The following ERCC3 variants were observed in gnomAD, a reference collection of about 807,000 sequenced individuals.
ERCC3 encodes the protein ERCC excision repair 3, TFIIH core complex helicase subunit, also known as general transcription and DNA repair factor IIH helicase/translocase subunit XPB.
Under a neutral mutation model 94.2 loss-of-function variants are expected in ERCC3, and 66 were observed. That is an observed-to-expected ratio of 0.70 (90% CI 0.57 to 0.86). ERCC3 has a LOEUF of 0.86. Ranked by LOEUF, ERCC3 falls within the 40% of genes least tolerant of loss-of-function variation. ERCC3 has a pLI of 0.00. For missense variants in ERCC3, 829 were observed against 987.1 expected (o/e 0.84, Z 2.15); for synonymous variants, 349 against 369.1 (o/e 0.95, Z 0.63).
Position 127,279,198 on chromosome 2 carries a change from T to A in ERCC3, c.1705A>T (p.Lys569Ter). Reference sequence around the variant, plus strand: ...TTGTTCAGTCGAATGGCATATTCCTTTAGGGCAAACACATTGTCAGCAAAG... The same window carrying A: ...TTGTTCAGTCGAATGGCATATTCCTATAGGGCAAACACATTGTCAGCAAAG... ...IVFADNVFAL[K>*]EYAIRLNKPY... is the part of the protein sequence containing the mutation. The change falls in exon 10 of 15, where the codon AAG (lysine) becomes TAG (stop). Residue 569 changes from lysine (K) to a stop codon, truncating the protein, a stop_gained. Coordinates refer to ENST00000285398, the MANE Select transcript of ERCC3 (RefSeq NM_000122.2). LOFTEE classifies it high-confidence loss of function. The surrounding 1 kb of genome is among the most constrained non-coding windows in gnomAD (Gnocchi z 4.7). 1 of 1,613,608 alleles carries A rather than the reference T, an allele frequency of 6.2e-7. No individual in the cohort carries two copies. Among genetic ancestry groups the A allele is most frequent in the African/African-American group, 1.3e-5 (1 of 75,044 alleles).
rs757559267 is a variant in ERCC3, at chr2:127,293,960, G to A, written c.28+94C>T. 7 of 1,551,238 alleles carry A rather than the reference G, an allele frequency of 4.5e-6. No homozygotes were observed. The African/African-American group carries it at 9.5e-5, about 21-fold the overall frequency. On this transcript the variant is annotated intron_variant, in intron 1 of 14. Transcript: ENST00000285398. ...TGCGCGCGGGAGGGCCAGCAGGGTC[G>A]GCCGGCGCAGAGGCCCGGAGCAGCT...
In ERCC3 at chr2:127,293,590, C is replaced by T; in HGVS notation, c.157G>A (p.Val53Met). Residue 53 changes from valine (V) to methionine (M), a missense_variant, in exon 2 of 15, where the codon GTG becomes ATG. Coordinates refer to ENST00000285398, the MANE Select transcript of ERCC3 (RefSeq NM_000122.2). ...TAGTCCTTGGCTCCATATTCATCCA[C>T]TTTGGTGCCTGACTCATCCACCTGC... is the stretch of plus-strand genomic sequence containing the variant. The part of the protein sequence containing the change: ...GKQVDESGTK[V>M]DEYGAKDYRL... The T allele has an allele frequency of 6.2e-7, 1 of 1,614,226 alleles. No homozygotes were observed. The highest frequency in any genetic ancestry group is 8.5e-7 in the Non-Finnish European group (1 of 1,180,038).
intron 12 of ERCC3, chr2:127,262,760 T>C (rs1325687266): frequency 6.6e-6 from 1 of 152,242 alleles, no homozygotes; most frequent in Non-Finnish European, 1.5e-5. Flanking sequence ...TTGTATTTCC[T>C]AGGTTTTCTT....
intron 12 of ERCC3, among the ~76,000 whole-genome samples, chr2:127,267,004 C>T (rs934241191): frequency 4.6e-5 from 7 of 152,322 alleles, no homozygotes; most frequent in African/African-American, 1.4e-4. Flanking sequence ...GTGTGAGCCA[C>T]GGCACCAGGC....
chr2:127,259,225 C>G lies in ERCC3; in HGVS notation c.2217+71G>C. 2 of 1,564,426 alleles carry G rather than the reference C, an allele frequency of 1.3e-6. No individual in the cohort carries two copies. Among genetic ancestry groups the G allele is most frequent in the South Asian group, 2.2e-5 (2 of 89,690 alleles). ...GGCCCATCCAGGCAGGACTACATGT[C>G]TGTGTCTGTGTCTACAAACGCTGCC... On this transcript the variant is annotated intron_variant, in intron 14 of 14. Coordinates refer to ENST00000285398, the MANE Select transcript of ERCC3 (RefSeq NM_000122.2). The surrounding 1 kb of genome is among the most constrained non-coding windows in gnomAD (Gnocchi z 4.9).
rs769083884 is a variant in ERCC3, at chr2:127,280,603, G to C, written c.1371C>G (p.Ile457Met). Reference sequence around the variant, plus strand: ...AACCCAGCTTACAGTGGGCCTGCACGATGGTGAGCACCCTTCGGAACATCT... The same window carrying C: ...AACCCAGCTTACAGTGGGCCTGCACCATGGTGAGCACCCTTCGGAACATCT... ...PAKMFRRVLTIVQAHCKLGLT... is the reference protein window; with the variant it reads ...PAKMFRRVLTMVQAHCKLGLT... Residue 457 changes from isoleucine to methionine, a missense_variant, in exon 9 of 15, where the codon ATC becomes ATG. By Grantham distance (10) the Ile-to-Met change is conservative. Transcript: ENST00000285398. The surrounding 1 kb of genome is among the most constrained non-coding windows in gnomAD (Gnocchi z 6.3). 1 of 1,614,196 alleles carries C rather than the reference G, an allele frequency of 6.2e-7. No homozygotes were observed. The highest frequency in any genetic ancestry group is 1.3e-5 in the African/African-American group (1 of 75,066).
In ERCC3 at chr2:127,292,841, G is replaced by T. The variant is rs766693494; in HGVS notation, c.240C>A (p.Pro80=). Reference sequence around the variant, plus strand: ...AGGCTTCCAAGAAGATATGGCCATCGGGAGCCTGAGAGATACCAAATGGAC... The same window carrying T: ...AGGCTTCCAAGAAGATATGGCCATCTGGAGCCTGAGAGATACCAAATGGAC... The part of the protein sequence containing the change: ...DHTSRPLWVA[P]DGHIFLEAFS... The change falls in exon 3 of 15, where the codon CCC becomes CCA. Residue 80 remains proline, a synonymous_variant. Coordinates refer to ENST00000285398, the MANE Select transcript of ERCC3 (RefSeq NM_000122.2). 6.2e-7 allele frequency: 1 copy of T among 1,604,554 alleles called. No homozygotes were observed. The highest frequency in any genetic ancestry group is 1.1e-5 in the South Asian group (1 of 90,908).
At chr2:127,270,780 A>G (rs1168100062) in intron 12 of ERCC3, among the ~76,000 whole-genome samples, 1 of 152,188 alleles carries the variant, frequency 6.6e-6, no homozygotes, top group Non-Finnish European at 1.5e-5. Flanking sequence ...AAGCAAGCAC[A>G]GGGGTGCCAC....
chr2:127,273,010 T>C, intron 10 of ERCC3, 49 bp from the exon 11 acceptor site: 2 of 1,165,014 alleles, frequency 1.7e-6, no homozygotes, highest in East Asian at 2.3e-5. Flanking sequence ...GCCTCAGTTA[T>C]CTTGAAAACA....
rs1217895289 is a variant in ERCC3 at position 127,277,593 on chromosome 2, A to C, written c.1730+1580T>G. Among the ~76,000 whole-genome samples the C allele has an allele frequency of 6.6e-6, 1 of 152,124 alleles. No individual in the cohort carries two copies. Among genetic ancestry groups the C allele is most frequent in the Admixed American group, 6.6e-5 (1 of 15,262 alleles). ...GTAGTCCCAGCTACTCAGGAGGCTG[A>C]GGCAGGAGAATCACTTGAACCCACA... is the stretch of plus-strand genomic sequence containing the variant. On this transcript the variant is annotated intron_variant, in intron 10 of 14. Transcript: ENST00000285398. The surrounding 1 kb of genome is among the most constrained non-coding windows in gnomAD (Gnocchi z 5.1).
intron 8 of ERCC3, among the ~76,000 whole-genome samples, chr2:127,281,143 G>A (rs1473157803): frequency 6.6e-6 from 1 of 152,090 alleles, no homozygotes; most frequent in Non-Finnish European, 1.5e-5. Flanking sequence ...TCTAAATTAC[G>A]CAAAGAATTT....
At chr2:127,281,574 T>C (rs902353461) in intron 8 of ERCC3, among the ~76,000 whole-genome samples, 9 of 152,116 alleles carry the variant, frequency 5.9e-5, no homozygotes, top group African/African-American at 2.2e-4. Context: ...TATCTTACAA[T>C]ATAATTGAAA....
chr2:127,270,091 A>G (rs1424912978), intron 12 of ERCC3, among the ~76,000 whole-genome samples: 1 of 152,170 alleles, frequency 6.6e-6, no homozygotes, highest in Non-Finnish European at 1.5e-5. Context: ...AATGAATTAT[A>G]TTCACATTTG....
rs1684279520 is a variant in ERCC3, at chr2:127,264,032, G to A, written c.1946-2686C>T. On this transcript the variant is annotated intron_variant, in intron 12 of 14. Coordinates refer to ENST00000285398, the MANE Select transcript of ERCC3 (RefSeq NM_000122.2). This position sits in a 1 kb window ranked among gnomAD's most constrained non-coding sequence, Gnocchi z 4.4. ...GCTGTCTTGTTCCAGTTCTTAAAGG[G>A]AATGCTTCCAGCTTTTGCTTACTTA... is the stretch of plus-strand genomic sequence containing the variant. 6.6e-6 allele frequency among the ~76,000 whole-genome samples: 1 copy of A among 152,138 alleles called. No homozygotes were observed. The highest frequency in any genetic ancestry group is 6.5e-5 in the Admixed American group (1 of 15,272).
intron 1 of ERCC3, 136 bp from the exon 2 acceptor site, chr2:127,293,854 C>T: frequency 6.4e-7 from 1 of 1,561,706 alleles, no homozygotes; most frequent in Non-Finnish European, 8.6e-7. Context: ...TTGCGCCCCT[C>T]ACCCGTCTCC....
At position 127,277,657 on chromosome 2, in the gene ERCC3, C is replaced by T. The variant is rs1478272215; in HGVS notation, c.1730+1516G>A. On this transcript the variant is annotated intron_variant, in intron 10 of 14. Coordinates refer to ENST00000285398, the MANE Select transcript of ERCC3 (RefSeq NM_000122.2). This position sits in a 1 kb window ranked among gnomAD's most constrained non-coding sequence, Gnocchi z 5.1. ...AGTGAGCTGAGATAGCGCCACTGCACTCCAGCCTGGCAACAGAGCAAGACT... is the reference window on the plus strand; with the variant it reads ...AGTGAGCTGAGATAGCGCCACTGCATTCCAGCCTGGCAACAGAGCAAGACT... 1.3e-5 allele frequency among the ~76,000 whole-genome samples: 2 copies of T among 152,000 alleles called. No individual in the cohort carries two copies. Among genetic ancestry groups the T allele is most frequent in the Non-Finnish European group, 2.9e-5 (2 of 67,988 alleles).
intron 12 of ERCC3, chr2:127,262,554 A>G (rs548981937): frequency 1.3e-5 from 2 of 152,338 alleles, no homozygotes; most frequent in South Asian, 4.1e-4. Context: ...GAAGGCCCCA[A>G]GTGGTCTGAC....
rs1305989466 is a variant in ERCC3, at chr2:127,271,054, T to C, written c.1945+282A>G. 6.6e-6 allele frequency among the ~76,000 whole-genome samples: 1 copy of C among 152,220 alleles called. No individual in the cohort carries two copies. Among genetic ancestry groups the C allele is most frequent in the East Asian group, 1.9e-4 (1 of 5,198 alleles). ...CATGTCTACCCCATAAGCACTGCCTTGCCCTGGCTCCCTCTCACCATCTAC... is the reference window on the plus strand; with the variant it reads ...CATGTCTACCCCATAAGCACTGCCTCGCCCTGGCTCCCTCTCACCATCTAC... On this transcript the variant is annotated intron_variant, in intron 12 of 14. Transcript: ENST00000285398. The surrounding 1 kb of genome is among the most constrained non-coding windows in gnomAD (Gnocchi z 5.0).
At chr2:127,282,326 T>C (rs1684942891) in intron 8 of ERCC3, among the ~76,000 whole-genome samples, 1 of 152,198 alleles carries the variant, frequency 6.6e-6, no homozygotes, top group African/African-American at 2.4e-5. Context: ...TGGTTGTCAT[T>C]TGGCATTTAT....
Sources: gnomAD v4.1 joint callset for allele counts (sites outside exome capture counted in the v4.1 genomes callset) on GRCh38, gnomAD v4.1.1 for gene constraint, Gnocchi (gnomAD v3.1) non-coding constraint, MANE v1.5 for transcripts, NCBI Gene and HGNC (gene_info 2026-07-23, HGNC 2026-07-21) for gene names.